The following STK24 variants were observed in gnomAD, a reference collection of about 807,000 sequenced individuals.
STK24 encodes the protein serine/threonine kinase 24, also known as serine/threonine-protein kinase 24.
A neutral mutation model predicts 55.6 loss-of-function variants in STK24; 21 were observed. The observed-to-expected ratio is 0.38, with a 90% confidence interval of 0.27 to 0.54. The LOEUF (loss-of-function observed/expected upper bound fraction) is 0.54, where lower values mean the gene tolerates loss of function less well. Among genes scored for constraint, STK24 ranks in the 20% least tolerant of loss-of-function variants. STK24 has a pLI of 0.79. For missense variants in STK24, 383 were observed against 538.4 expected, an observed-to-expected ratio of 0.71 and a Z score of 2.86; for synonymous variants, 200 against 215.2, an observed-to-expected ratio of 0.93 and a Z score of 0.62.
chr13:98,447,646 G>A lies in STK24; in HGVS notation c.*5527C>T, dbSNP rs1892935681. On this transcript the variant is annotated 3_prime_UTR_variant, in exon 11 of 11. Transcript: ENST00000539966. ...AGACTTTACCAAATGGGACAGCATT[G>A]CACCCATTTGAGAAGCACCGGTAGA... The A allele has an allele frequency of 6.5e-6, 1 of 153,436 alleles. No individual in the cohort carries two copies. The highest frequency in any genetic ancestry group is 1.4e-5 in the Non-Finnish European group (1 of 69,014). The allele number at this position is 153,436 out of a possible 1,614,324, so 9.5% of individuals were successfully genotyped here. A position where few individuals can be genotyped will look rare whatever the true frequency, so the allele number is the denominator to read the frequency against.
intron 1 of STK24, among the ~76,000 whole-genome samples, chr13:98,568,880 A>G (rs1379598035): frequency 6.6e-6 from 1 of 152,186 alleles, no homozygotes; most frequent in African/African-American, 2.4e-5. Flanking sequence ...AAAAACAAAA[A>G]AGATAAAAGA....
intron 1 of STK24, among the ~76,000 whole-genome samples, chr13:98,575,141 C>T (rs1897848406): frequency 6.6e-6 from 1 of 152,088 alleles, no homozygotes; most frequent in East Asian, 1.9e-4. Context: ...ACCCAGTTCA[C>T]TCTGACCTAC....
intron 2 of STK24, among the ~76,000 whole-genome samples, chr13:98,509,177 GA>G (rs1325768383): frequency 5.3e-5 from 8 of 152,100 alleles, no homozygotes; most frequent in African/African-American, 1.4e-4. Flanking sequence ...GAATTCAACA[GA>G]ATAATCCTAA....
In STK24 at chr13:98,511,218, G is replaced by A. The variant is rs542679573; in HGVS notation, c.273+8025C>T. Among the ~76,000 whole-genome samples, 8 of 152,310 alleles carry A rather than the reference G, an allele frequency of 5.3e-5. No homozygotes were observed. In the South Asian group the frequency reaches 1.7e-3, roughly 32 times the overall value. On this transcript the variant is annotated intron_variant, in intron 2 of 10. Transcript: ENST00000539966. The stretch of plus-strand genomic sequence containing the variant: ...AATGAATATCCTACTCCAAACTCTA[G>A]AGTACTGACGGGAAATAGTAAGCGT...
chr13:98,565,940 C>A (rs967257827), intron 1 of STK24, among the ~76,000 whole-genome samples: 21 of 152,280 alleles, frequency 1.4e-4, no homozygotes, highest in Admixed American at 8.5e-4. Flanking sequence ...CAGCGCAGTG[C>A]CAGCCCGGTG....
At chr13:98,507,492 C>G (rs995332831) in intron 2 of STK24, among the ~76,000 whole-genome samples, 13 of 152,304 alleles carry the variant, frequency 8.5e-5, no homozygotes, top group Admixed American at 3.3e-4. Context: ...CCATGGTTTT[C>G]TAGCCTAGAG....
intron 1 of STK24, among the ~76,000 whole-genome samples, chr13:98,551,519 T>C (rs1897160737): frequency 6.6e-6 from 1 of 151,986 alleles, no homozygotes; most frequent in Non-Finnish European, 1.5e-5. Context: ...TCTTTCCCAT[T>C]ATTTCATGCA....
intron 2 of STK24, among the ~76,000 whole-genome samples, chr13:98,488,405 T>C (rs2139316741): frequency 6.6e-6 from 1 of 152,336 alleles, no homozygotes; most frequent in East Asian, 1.9e-4. Context: ...AAAGGATGCT[T>C]CAGGGGAGTT....
chr13:98,522,027 TG>T (rs1896278399), intron 1 of STK24: 1 of 1,421,608 alleles, frequency 7.0e-7, no homozygotes, highest in African/African-American at 1.4e-5. Context: ...CTCCTTCCTC[TG>T]GAGTCCCTTC....
chr13:98,542,704 A>T, intron 1 of STK24: 2 of 372,870 alleles, frequency 5.4e-6, no homozygotes, highest in Non-Finnish European at 7.4e-6. Context: ...TTTCCATATT[A>T]GTCCCTTGTT....
chr13:98,559,195 T>C (rs1204397602), intron 1 of STK24, among the ~76,000 whole-genome samples: 2 of 151,798 alleles, frequency 1.3e-5, no homozygotes, highest in African/African-American at 4.8e-5. Flanking sequence ...AAAAAGTGTA[T>C]TAATATATCC....
intron 5 of STK24, among the ~76,000 whole-genome samples, chr13:98,474,393 C>T (rs758963332): frequency 1.1e-4 from 16 of 152,116 alleles, no homozygotes; most frequent in Non-Finnish European, 1.6e-4. Flanking sequence ...CTTGTGGGAG[C>T]CCCTTTCTCT....
chr13:98,488,791 G>A (rs1322179329), intron 2 of STK24, among the ~76,000 whole-genome samples: 3 of 152,032 alleles, frequency 2.0e-5, no homozygotes, highest in South Asian at 2.1e-4. Context: ...GAGGTCACAC[G>A]AACCCACCAA....
In STK24 at chr13:98,461,783, G is replaced by A. The variant is rs187486106; in HGVS notation, c.1044C>T (p.Asp348=). ...GAGTGAGCAGACGTACCTTATTTCT[G>A]TCCAAGTCCGATGGCTGAAGAGCTC... ...ENGALQPSDL[D]RNKMKDIPKR... The change falls in exon 8 of 11, where the codon GAC becomes GAT. Residue 348 remains aspartate (D), a synonymous_variant. Coordinates refer to ENST00000539966, the MANE Select transcript of STK24 (RefSeq NM_001032296.4). 17 of 1,614,052 alleles carry A rather than the reference G, an allele frequency of 1.1e-5. No individual in the cohort carries two copies. In the African/African-American group the frequency reaches 1.6e-4, roughly 15 times the overall value.
intron 1 of STK24, among the ~76,000 whole-genome samples, chr13:98,544,393 A>G (rs1361927920): frequency 6.6e-6 from 1 of 152,252 alleles, no homozygotes; most frequent in African/African-American, 2.4e-5. Context: ...AAGAGAGGCC[A>G]GCTTTGCACT....
chr13:98,573,844 C>T (rs1312727580), intron 1 of STK24, among the ~76,000 whole-genome samples: 4 of 152,170 alleles, frequency 2.6e-5, no homozygotes, highest in African/African-American at 9.7e-5. Flanking sequence ...TTGGTCTCCA[C>T]ATCTACAAAA....
At chr13:98,540,118 A>G (rs1566395090) in intron 1 of STK24, among the ~76,000 whole-genome samples, 1 of 152,204 alleles carries the variant, frequency 6.6e-6, no homozygotes, top group Non-Finnish European at 1.5e-5. Context: ...TCACAAAGGA[A>G]CACATACTGT....
At chr13:98,551,605 CCCA>C in intron 1 of STK24, among the ~76,000 whole-genome samples, 1 of 152,124 alleles carries the variant, frequency 6.6e-6, no homozygotes, top group Non-Finnish European at 1.5e-5. Flanking sequence ...TGTGAAGAGA[CCCA>C]CCTGCCTGGA....
At chr13:98,503,024 G>GTTTTGTTTTTTTTTTTTTT (rs1555306357) in intron 2 of STK24, among the ~76,000 whole-genome samples, 1 of 107,082 alleles carries the variant, frequency 9.3e-6, no homozygotes, top group African/African-American at 4.0e-5. Context: ...CTTTCCATGT[G>GTTTTGTTTTTTTTTTTTTT]TTTTTTTTTT....
Sources: gnomAD v4.1 joint callset for allele counts (sites outside exome capture counted in the v4.1 genomes callset) on GRCh38, gnomAD v4.1.1 for gene constraint, MANE v1.5 for transcripts, NCBI Gene and HGNC (gene_info 2026-07-23, HGNC 2026-07-21) for gene names.